The following PDE1C variants were observed in gnomAD, a reference collection of about 807,000 sequenced individuals.
The protein encoded by PDE1C is phosphodiesterase 1C.
In PDE1C, 62 loss-of-function variants were observed where a neutral mutation model predicts 93.1. The ratio of observed to expected loss-of-function variants is 0.67; its 90% CI spans 0.54 to 0.82. PDE1C has a LOEUF of 0.82. PDE1C is among the 40% of genes least tolerant of loss of function. The pLI is 0.00. For missense variants in PDE1C, 742 were observed against 884.6 expected (o/e 0.84, Z 2.04); for synonymous variants, 325 against 310.1 (o/e 1.05, Z -0.50).
intron 2 of PDE1C, among the ~76,000 whole-genome samples, chr7:31,901,204 G>A (rs1196583311): frequency 6.7e-6 from 1 of 149,360 alleles, no homozygotes; most frequent in Admixed American, 6.7e-5. Flanking sequence ...TAGAAGGAAT[G>A]AAAAATTGAA....
At chr7:31,713,565 C>G in the PDE1C span, among the ~76,000 whole-genome samples, 1 of 152,240 alleles carries the variant, frequency 6.6e-6, no homozygotes, top group African/African-American at 2.4e-5. Context: ...AGTAGGGACA[C>G]TGTGTTGGGG....
At chr7:32,371,182 A>AAAAAAC (rs757658360) in intron 1 of PDE1C, among the ~76,000 whole-genome samples, 1 of 151,982 alleles carries the variant, frequency 6.6e-6, no homozygotes, top group Non-Finnish European at 1.5e-5. Context: ...TTCTCCCACC[A>AAAAAAC]AAAAACAAAA....
chr7:32,354,354 C>CAGT (rs1194495921), intron 1 of PDE1C, among the ~76,000 whole-genome samples: 1 of 152,116 alleles, frequency 6.6e-6, no homozygotes, highest in East Asian at 1.9e-4. Context: ...GGGCCAGGTG[C>CAGT]AGTAGCTCAT....
chr7:31,728,295 T>C, the PDE1C span, among the ~76,000 whole-genome samples: 2 of 152,130 alleles, frequency 1.3e-5, no homozygotes, highest in Non-Finnish European at 2.9e-5. Flanking sequence ...AGCTGCCATT[T>C]GTCCTCTGGG....
intron 1 of PDE1C, among the ~76,000 whole-genome samples, chr7:32,423,474 T>A (rs996388590): frequency 2.0e-5 from 3 of 152,218 alleles, no homozygotes; most frequent in Non-Finnish European, 4.4e-5. Flanking sequence ...ATTGTGTGTT[T>A]CAGCAAGCTC....
intron 1 of PDE1C, among the ~76,000 whole-genome samples, chr7:32,408,703 C>T (rs1010792213): frequency 2.6e-5 from 4 of 152,014 alleles, no homozygotes; most frequent in South Asian, 2.1e-4. Flanking sequence ...GCAGGAGAAT[C>T]GCTTGAACCC....
At chr7:32,223,258 G>C (rs1411625870) in intron 1 of PDE1C, among the ~76,000 whole-genome samples, 1 of 152,204 alleles carries the variant, frequency 6.6e-6, no homozygotes, top group East Asian at 1.9e-4. Flanking sequence ...TATGCTGCTG[G>C]TACTAAGGGT....
At chr7:31,977,555 G>A (rs1221138281) in intron 2 of PDE1C, among the ~76,000 whole-genome samples, 1 of 152,012 alleles carries the variant, frequency 6.6e-6, no homozygotes, top group Non-Finnish European at 1.5e-5. Context: ...TCCACCCCAT[G>A]TCACCACCTT....
At chr7:32,073,402 G>C (rs753229526), upstream of PDE1C, among the ~76,000 whole-genome samples, 1 of 152,114 alleles carries the variant, frequency 6.6e-6, no homozygotes, top group Non-Finnish European at 1.5e-5. Flanking sequence ...TCAAATTTTT[G>C]AAGCAACAGA....
At position 31,823,189 on chromosome 7, in the gene PDE1C, T is replaced by A; in HGVS notation, c.1466A>T (p.Glu489Val). Residue 489 changes from glutamate (E) to valine (V), a missense_variant, in exon 14 of 18, where the codon GAG becomes GTG. Glu to Val is a moderately radical substitution (Grantham distance 121). Transcript: ENST00000396191. ...AGAATTGTTGATCGGGGCACTTCCC[T>A]CTGAACCAGAGGTCTTGACACCTGA... ...KRSGVKTSGS[E>V]GSAPINNSVI... 1.2e-6 allele frequency: 2 copies of A among 1,613,312 alleles called. No individual in the cohort carries two copies. Among genetic ancestry groups the A allele is most frequent in the Non-Finnish European group, 1.7e-6 (2 of 1,179,546 alleles).
chr7:32,301,901 C>T (rs1034372324), upstream of PDE1C, among the ~76,000 whole-genome samples: 3 of 152,186 alleles, frequency 2.0e-5, no homozygotes, highest in Admixed American at 6.5e-5. Flanking sequence ...AAGCTAAAAA[C>T]AGCTTTTATA....
intron 2 of PDE1C, among the ~76,000 whole-genome samples, chr7:31,972,874 C>T (rs925167922): frequency 1.3e-5 from 2 of 152,256 alleles, no homozygotes; most frequent in South Asian, 2.1e-4. Flanking sequence ...CCCCCATGAG[C>T]CTGGCATCTT....
At chr7:31,950,277 T>G in intron 2 of PDE1C, among the ~76,000 whole-genome samples, 1 of 152,204 alleles carries the variant, frequency 6.6e-6, no homozygotes, top group African/African-American at 2.4e-5. Context: ...AATGGGCTTA[T>G]GAGGGTGTTG....
intron 3 of PDE1C, among the ~76,000 whole-genome samples, chr7:31,879,950 C>T (rs1225634903): frequency 1.3e-5 from 2 of 151,274 alleles, no homozygotes; most frequent in Admixed American, 6.6e-5. Flanking sequence ...TGGAGGTAAG[C>T]GGAGGAAACA....
At chr7:32,232,714 A>C (rs192142565) in intron 1 of PDE1C, among the ~76,000 whole-genome samples, 177 of 152,362 alleles carry the variant, frequency 1.2e-3, no homozygotes, top group Non-Finnish European at 1.8e-3. Flanking sequence ...GACTGTAAGC[A>C]GCATACCATA....
At chr7:31,695,485 G>C in the PDE1C span, 1 of 1,608,952 alleles carries the variant, frequency 6.2e-7, no homozygotes, top group Non-Finnish European at 8.5e-7. Flanking sequence ...TTTCAGACCA[G>C]TTCATTAAGG....
At chr7:31,897,921 A>C (rs994051989) in intron 2 of PDE1C, among the ~76,000 whole-genome samples, 1 of 152,052 alleles carries the variant, frequency 6.6e-6, no homozygotes, top group African/African-American at 2.4e-5. Flanking sequence ...TTTACTCACC[A>C]CAGAACATTC....
intron 1 of PDE1C, among the ~76,000 whole-genome samples, chr7:32,319,015 T>C (rs1783230855): frequency 6.6e-6 from 1 of 152,210 alleles, no homozygotes; most frequent in Admixed American, 6.5e-5. Context: ...GTCACGTCCG[T>C]GCTCCCTTAA....
At chr7:32,328,820 T>G (rs1314124252) in intron 1 of PDE1C, among the ~76,000 whole-genome samples, 1 of 152,244 alleles carries the variant, frequency 6.6e-6, no homozygotes, top group Non-Finnish European at 1.5e-5. Flanking sequence ...CATGTCCTAT[T>G]TTCCCTATTA....
Sources: gnomAD v4.1 joint callset for allele counts (sites outside exome capture counted in the v4.1 genomes callset) on GRCh38, gnomAD v4.1.1 for gene constraint, MANE v1.5 for transcripts, NCBI Gene and HGNC (gene_info 2026-07-23, HGNC 2026-07-21) for gene names.